Variants in USP32 observed in about 807,000 individuals in gnomAD.
USP32 encodes the protein ubiquitin carboxyl-terminal hydrolase 32.
USP32 carries 59 observed loss-of-function variants against 204.8 expected under a neutral mutation model. The ratio of observed to expected loss-of-function variants is 0.29; its 90% CI spans 0.23 to 0.36. The LOEUF (loss-of-function observed/expected upper bound fraction) is 0.36, where lower values mean the gene tolerates loss of function less well. Among genes scored for constraint, USP32 ranks in the 10% least tolerant of loss-of-function variants. The probability of loss-of-function intolerance (pLI) is 1.00; values close to 1 mark genes in which losing one functional copy is unlikely to be tolerated. For synonymous variants in USP32, 517 were observed against 678.4 expected (o/e 0.76, Z 3.70); for missense variants, 1,160 against 1,946.4 (o/e 0.60, Z 7.60).
intron 6 of USP32, among the ~76,000 whole-genome samples, chr17:60,270,104 A>G (rs903648025): frequency 6.6e-6 from 1 of 152,222 alleles, no homozygotes; most frequent in African/African-American, 2.4e-5. Flanking sequence ...TTATACATGA[A>G]TATTTTAAAT....
At chr17:60,418,386 C>A (rs918260783) in intron 1 of USP32, among the ~76,000 whole-genome samples, 3 of 149,950 alleles carry the variant, frequency 2.0e-5, no homozygotes, top group Non-Finnish European at 4.4e-5. Flanking sequence ...AGCCACCGTG[C>A]CTGGCCTCTG....
At chr17:60,421,762 C>A (rs1263908960) in intron 1 of USP32, 3 of 877,592 alleles carry the variant, frequency 3.4e-6, no homozygotes, top group Non-Finnish European at 2.7e-6. Context: ...TTTCCGCCCT[C>A]GGCCTCGGGT....
At chr17:60,307,657 C>T (rs2087757136) in intron 2 of USP32, among the ~76,000 whole-genome samples, 1 of 152,080 alleles carries the variant, frequency 6.6e-6, no homozygotes, top group Admixed American at 6.6e-5. Flanking sequence ...AGGAGCAGGG[C>T]AGGGAAGTGC....
intron 2 of USP32, among the ~76,000 whole-genome samples, chr17:60,330,266 G>T (rs1314607913): frequency 6.6e-6 from 1 of 152,054 alleles, no homozygotes; most frequent in African/African-American, 2.4e-5. Flanking sequence ...TTTCTTTGCT[G>T]TTCTACGCTT....
intron 1 of USP32, among the ~76,000 whole-genome samples, chr17:60,404,813 G>T (rs114039484): frequency 0.019 from 2,818 of 152,230 alleles, 86 homozygotes; most frequent in African/African-American, 0.062. Flanking sequence ...ATAGAAGGCT[G>T]GTCTTTTTAC....
chr17:60,321,635 T>C (rs1283644982), intron 2 of USP32, among the ~76,000 whole-genome samples: 1 of 152,110 alleles, frequency 6.6e-6, no homozygotes, highest in Non-Finnish European at 1.5e-5. Context: ...GCAAACATTC[T>C]TGAAATGAAT....
At chr17:60,231,743 C>T (rs2085556774) in intron 12 of USP32, 2 of 338,002 alleles carry the variant, frequency 5.9e-6, no homozygotes, top group African/African-American at 2.1e-5. Flanking sequence ...CTTCATAGTT[C>T]TCAAAAAGGA....
chr17:60,265,258 T>C (rs1414179544), intron 9 of USP32, among the ~76,000 whole-genome samples, 154 bp downstream of exon 9: 1 of 152,204 alleles, frequency 6.6e-6, no homozygotes, highest in Non-Finnish European at 1.5e-5. Flanking sequence ...ATGGCTCTCT[T>C]TGGAGATAAC....
chr17:60,362,755 C>T (rs2089234905), intron 1 of USP32, among the ~76,000 whole-genome samples: 1 of 151,920 alleles, frequency 6.6e-6, no homozygotes, highest in Non-Finnish European at 1.5e-5. Flanking sequence ...GGTTCACAAA[C>T]TTCTGAAGCT....
intron 9 of USP32, 31 bp from the exon 10 acceptor site, chr17:60,255,289 CTTT>C: frequency 8.6e-7 from 1 of 1,158,846 alleles, no homozygotes; most frequent in Non-Finnish European, 1.2e-6. Flanking sequence ...TTAGGAACAT[CTTT>C]TTTTTCTTTT....
At chr17:60,244,820 C>T (rs977376323) in intron 11 of USP32, among the ~76,000 whole-genome samples, 11 of 152,116 alleles carry the variant, frequency 7.2e-5, no homozygotes, top group Non-Finnish European at 1.0e-4. Flanking sequence ...TGAGTAGAGA[C>T]GAGGTTTTGC....
chr17:60,302,367 G>A (rs200365482), intron 2 of USP32, among the ~76,000 whole-genome samples: 2 of 152,198 alleles, frequency 1.3e-5, no homozygotes, highest in Admixed American at 6.5e-5. Flanking sequence ...GGCTGGTCTC[G>A]AACTCCTGGC....
Position 60,181,570 on chromosome 17 carries a change from C to T in USP32, c.4302G>A (p.Gly1434=), listed in dbSNP as rs771473422. The T allele has an allele frequency of 1.6e-5, 26 of 1,613,894 alleles. No individual in the cohort carries two copies. Among genetic ancestry groups the T allele is most frequent in the Non-Finnish European group, 1.9e-5 (22 of 1,179,880 alleles). The change falls in exon 32 of 34, where the codon GGG becomes GGA. Residue 1434 remains glycine (G), a synonymous_variant. Coordinates refer to ENST00000300896, the MANE Select transcript of USP32 (RefSeq NM_032582.4). ...KENLDASKEN[G]AGQICELADA... ...CAGCCAGCTCACATATCTGCCCAGC[C>T]CCATTTTCTTTGCTGGCATCCAAGT...
At chr17:60,336,731 GA>G (rs1445334168) in intron 2 of USP32, among the ~76,000 whole-genome samples, 1 of 143,000 alleles carries the variant, frequency 7.0e-6, no homozygotes, top group Non-Finnish European at 1.5e-5. Flanking sequence ...AAAAAAAAAA[GA>G]AAAAAAAGAA....
chr17:60,245,272 C>A, intron 11 of USP32: 1 of 215,360 alleles, frequency 4.6e-6, no homozygotes, highest in Non-Finnish European at 9.2e-6. Flanking sequence ...AAACATAAAA[C>A]ATGCATATGA....
intron 1 of USP32, among the ~76,000 whole-genome samples, chr17:60,414,277 T>G (rs1421453553): frequency 6.6e-6 from 1 of 151,168 alleles, no homozygotes; most frequent in African/African-American, 2.4e-5. Flanking sequence ...GCAGGAGAAT[T>G]GCTTGAACCT....
At chr17:60,281,410 C>A (rs930628035) in intron 5 of USP32, among the ~76,000 whole-genome samples, 1 of 151,976 alleles carries the variant, frequency 6.6e-6, no homozygotes, top group African/African-American at 2.4e-5. Context: ...CGGTAGCAGG[C>A]GCCTGTAATC....
At chr17:60,355,568 A>C (rs963753569) in intron 1 of USP32, among the ~76,000 whole-genome samples, 34 of 152,088 alleles carry the variant, frequency 2.2e-4, no homozygotes, top group African/African-American at 8.0e-4. Flanking sequence ...TTCCAGAAAA[A>C]TGACTGAGCT....
intron 5 of USP32, among the ~76,000 whole-genome samples, chr17:60,280,110 T>TTATTA (rs2086933935): frequency 6.6e-6 from 1 of 151,700 alleles, no homozygotes; most frequent in African/African-American, 2.4e-5. Context: ...TATTATTATT[T>TTATTA]TTTGAGATGG....
Sources: allele counts gnomAD v4.1 joint callset (sites outside exome capture counted in the v4.1 genomes callset), GRCh38; gene constraint gnomAD v4.1.1; transcripts MANE v1.5; gene names NCBI Gene and HGNC (gene_info 2026-07-23, HGNC 2026-07-21).